CUL9: variants seen among roughly 807,000 people sequenced by gnomAD.
CUL9 encodes the protein cullin 9, also known as cullin-9.
A neutral mutation model predicts 272.6 loss-of-function variants in CUL9; 79 were observed. The ratio of observed to expected loss-of-function variants is 0.29; its 90% CI spans 0.24 to 0.35. CUL9 has a LOEUF of 0.35. Among genes scored for constraint, CUL9 ranks in the 10% least tolerant of loss-of-function variants. The pLI is 1.00. For missense variants in CUL9, 2,532 were observed against 3,255.6 expected (o/e 0.78, Z 5.41); for synonymous variants, 1,186 against 1,286.5 (o/e 0.92, Z 1.67).
At chr6:43,196,923 T>G (rs1405824103) in intron 11 of CUL9, 61 bp downstream of exon 11, 1 of 1,359,466 alleles carries the variant, frequency 7.4e-7, no homozygotes, top group Non-Finnish European at 1.0e-6. Flanking sequence ...GGTTTACATA[T>G]CAGCTCCTTA....
In CUL9 at chr6:43,224,476, C is replaced by A; in HGVS notation, c.*31C>A. The A allele has an allele frequency of 6.3e-7, 1 of 1,593,358 alleles. No individual in the cohort carries two copies. The highest frequency in any genetic ancestry group is 8.6e-7 in the Non-Finnish European group (1 of 1,167,852). On this transcript the variant is annotated 3_prime_UTR_variant, in exon 41 of 41. Transcript: ENST00000252050. This position sits in a 1 kb window ranked among gnomAD's most constrained non-coding sequence, Gnocchi z 4.2. ...CAGATGCAGGAAACACCTAGAGCAGCCCCAGAGTCACGGGGCTGAGGGGGC... is the reference window on the plus strand; with the variant it reads ...CAGATGCAGGAAACACCTAGAGCAGACCCAGAGTCACGGGGCTGAGGGGGC...
intron 9 of CUL9, 152 bp from the exon 10 acceptor site, chr6:43,195,917 A>T: frequency 3.6e-6 from 2 of 550,092 alleles, no homozygotes; most frequent in South Asian, 2.9e-5. Context: ...GTAGTATTTG[A>T]TGTCCCATCA....
chr6:43,211,108 C>A (rs576307281), intron 26 of CUL9, among the ~76,000 whole-genome samples: 1 of 152,332 alleles, frequency 6.6e-6, no homozygotes, highest in Admixed American at 6.5e-5. Flanking sequence ...TTAGTTATTA[C>A]TGTTGTTCCA....
At chr6:43,222,703 G>A (rs1019020893) in intron 37 of CUL9, 62 bp downstream of exon 37, 3 of 1,604,904 alleles carry the variant, frequency 1.9e-6, no homozygotes, top group Non-Finnish European at 2.6e-6. Flanking sequence ...GGGGGGCTTG[G>A]CTGCTTTCAT....
At position 43,213,101 on chromosome 6, in the gene CUL9, T is replaced by A. The variant is rs756056113; in HGVS notation, c.5213-48T>A. The A allele has an allele frequency of 1.3e-6, 2 of 1,599,906 alleles. No individual in the cohort carries two copies. The highest frequency in any genetic ancestry group is 1.7e-6 in the Non-Finnish European group (2 of 1,170,976). ...TTGACACCTCAACCCCTAAACCCCT[T>A]GTTTCGCCCATTCTGTGTCTCCACC... is the stretch of plus-strand genomic sequence containing the variant. On this transcript the variant is annotated intron_variant, in intron 26 of 40. Transcript: ENST00000252050. The surrounding 1 kb of genome is among the most constrained non-coding windows in gnomAD (Gnocchi z 5.7).
In CUL9 at chr6:43,186,323, T is replaced by C; in HGVS notation, c.1119T>C (p.Ser373=). ...AGCGCTCTGAATTCTCCAGCCGTAG[T>C]GGCTATGGAGAATATGTGCAGCAGA... The part of the protein sequence containing the change: ...FRQRSEFSSR[S]GYGEYVQQTL... Residue 373 remains serine (S), a synonymous_variant, in exon 4 of 41, where the codon AGT becomes AGC. Transcript: ENST00000252050. 4.3e-6 allele frequency: 7 copies of C among 1,614,226 alleles called. No individual in the cohort carries two copies. Among genetic ancestry groups the C allele is most frequent in the Non-Finnish European group, 5.9e-6 (7 of 1,180,038 alleles).
Position 43,188,084 on chromosome 6 carries a change from G to T in CUL9, c.1953G>T (p.Met651Ile). Residue 651 changes from methionine to isoleucine, a missense_variant, in exon 7 of 41, where the codon ATG becomes ATT. By Grantham distance (10) the Met-to-Ile change is conservative. This residue lies in a region of CUL9 where 2,218 missense variants were observed against 2,788.6 expected (regional missense o/e 0.80). Coordinates refer to ENST00000252050, the MANE Select transcript of CUL9 (RefSeq NM_015089.4). The stretch of plus-strand genomic sequence containing the variant: ...ACCAGCTTCTGGTGACTGAGGGGAT[G>T]ACCCTGCCCACTGAGATGAAGGAGG... ...LFNQLLVTEG[M>I]TLPTEMKEAA... is the part of the protein sequence containing the mutation. 6.2e-7 allele frequency: 1 copy of T among 1,613,894 alleles called. No homozygotes were observed. The highest frequency in any genetic ancestry group is 8.5e-7 in the Non-Finnish European group (1 of 1,180,020).
chr6:43,203,633 G>T lies in CUL9; in HGVS notation c.4025+41G>T. ...GGAGGGAAGATGGGTAAGGGAACAG[G>T]ACACTGTGAGAAGTAGGAGGGATGC... On this transcript the variant is annotated intron_variant, in intron 19 of 40. Coordinates refer to ENST00000252050, the MANE Select transcript of CUL9 (RefSeq NM_015089.4). The surrounding 1 kb of genome is among the most constrained non-coding windows in gnomAD (Gnocchi z 5.0). 1 of 1,592,654 alleles carries T rather than the reference G, an allele frequency of 6.3e-7. No homozygotes were observed.
At chr6:43,214,372 CT>C (rs1775764422) in intron 29 of CUL9, among the ~76,000 whole-genome samples, 2 of 152,258 alleles carry the variant, frequency 1.3e-5, no homozygotes, top group South Asian at 4.1e-4. Context: ...TGAGCCAAGA[CT>C]GCCACTGTAC....
intron 11 of CUL9, among the ~76,000 whole-genome samples, chr6:43,197,126 A>C (rs1270122590): frequency 6.6e-6 from 1 of 151,820 alleles, no homozygotes; most frequent in Non-Finnish European, 1.5e-5. Flanking sequence ...GACTCACTGT[A>C]ACCTCTGCTT....
intron 20 of CUL9, 137 bp downstream of exon 20, chr6:43,204,124 T>A (rs1302011526): frequency 4.9e-6 from 6 of 1,214,720 alleles, no homozygotes; most frequent in Non-Finnish European, 6.8e-6. Flanking sequence ...CCTCTCTCCT[T>A]CCTGCCCCAG....
rs757140976 is a variant in CUL9, at chr6:43,206,424, C to G, written c.5126C>G (p.Pro1709Arg). 2.5e-6 allele frequency: 4 copies of G among 1,614,102 alleles called. No homozygotes were observed. The highest frequency in any genetic ancestry group is 3.4e-6 in the Non-Finnish European group (4 of 1,180,050). The change falls in exon 26 of 41, where the codon CCA (proline) becomes CGA (arginine). Residue 1709 changes from proline to arginine, a missense_variant. Physicochemically the swap from Pro to Arg is moderately radical, Grantham distance 103. Around this residue, in one of 3 missense-constraint regions of CUL9, gnomAD observed 2,218 missense variants for 2,788.6 expected, o/e 0.80. Transcript: ENST00000252050. The surrounding 1 kb of genome is among the most constrained non-coding windows in gnomAD (Gnocchi z 4.8). Reference sequence around the variant, plus strand: ...TCACCACGCTGCTGGCCCGTCTCCCCACTCTGCTACCTGTACCATCCCAGA... The same window carrying G: ...TCACCACGCTGCTGGCCCGTCTCCCGACTCTGCTACCTGTACCATCCCAGA... ...VLSPRCWPVS[P>R]LCYLYHPRKC...
At chr6:43,191,495 T>TTTTTTTTC (rs1356223144) in intron 8 of CUL9, among the ~76,000 whole-genome samples, 2 of 147,726 alleles carry the variant, frequency 1.4e-5, no homozygotes, top group African/African-American at 5.1e-5. Context: ...TTTTTTTTTT[T>TTTTTTTTC]TTTTTTTTTT....
In CUL9 at chr6:43,224,528, G is replaced by C. The variant is rs1441172209; in HGVS notation, c.*83G>C. The stretch of plus-strand genomic sequence containing the variant: ...GGAGCTGCCCCTGTCATAGGGAGGG[G>C]GATTCCCAGCGTCTGTAGTGCTTCC... On this transcript the variant is annotated 3_prime_UTR_variant, in exon 41 of 41. Transcript: ENST00000252050. The surrounding 1 kb of genome is among the most constrained non-coding windows in gnomAD (Gnocchi z 4.2). 7 of 1,318,250 alleles carry C rather than the reference G, an allele frequency of 5.3e-6. No homozygotes were observed. In the Admixed American group the frequency reaches 1.7e-4, roughly 31 times the overall value. 81.7% of individuals were successfully genotyped at this position (1,318,250 alleles called of 1,614,324 possible). A position where few individuals can be genotyped will look rare whatever the true frequency, so the allele number is the denominator to read the frequency against.
chr6:43,214,906 G>A (rs1202720714), intron 29 of CUL9, among the ~76,000 whole-genome samples, 173 bp from the exon 30 acceptor site: 5 of 152,122 alleles, frequency 3.3e-5, no homozygotes, highest in Non-Finnish European at 4.4e-5. Context: ...GAGTCCAGGA[G>A]TTTGAGGGTG....
rs891073477 is a variant in CUL9 at position 43,220,710 on chromosome 6, G to A, written c.6424-37G>A. On this transcript the variant is annotated intron_variant, in intron 32 of 40. Coordinates refer to ENST00000252050, the MANE Select transcript of CUL9 (RefSeq NM_015089.4). This position sits in a 1 kb window ranked among gnomAD's most constrained non-coding sequence, Gnocchi z 4.9. ...GCCTGGAGGTGTGGCATCCTGGAGA[G>A]CCATACCCTCACCTCGTGGCACCTG... The A allele has an allele frequency of 6.2e-7, 1 of 1,607,562 alleles. No individual in the cohort carries two copies. The highest frequency in any genetic ancestry group is 8.5e-7 in the Non-Finnish European group (1 of 1,176,852).
At chr6:43,190,603 CCTTA>C (rs1342113179) in intron 8 of CUL9, among the ~76,000 whole-genome samples, 2 of 152,150 alleles carry the variant, frequency 1.3e-5, no homozygotes, top group African/African-American at 4.8e-5. Context: ...TGGTAAACAT[CCTTA>C]CTTATTTCTC....
rs1307946941 is a variant in CUL9, at chr6:43,193,216, C to T, written c.2388+8C>T. The T allele has an allele frequency of 6.8e-6, 11 of 1,612,936 alleles. No homozygotes were observed. Among genetic ancestry groups the T allele is most frequent in the Non-Finnish European group, 9.3e-6 (11 of 1,179,118 alleles). On this transcript the variant is annotated splice_region_variant and intron_variant, in intron 9 of 40. Transcript: ENST00000252050. ...CAGCAGGCTGGGCTGGCGGTGAGTA[C>T]ATTGGGCCTGGCGGGAGAGAACAAT...
rs1444412243 is a variant in CUL9 at position 43,199,508 on chromosome 6, G to A, written c.3156+137G>A. On this transcript the variant is annotated intron_variant, in intron 13 of 40. Coordinates refer to ENST00000252050, the MANE Select transcript of CUL9 (RefSeq NM_015089.4). The surrounding 1 kb of genome is among the most constrained non-coding windows in gnomAD (Gnocchi z 4.4). ...TGGGATGGGTGTAGGAGGAGGAAGG[G>A]TAATGTAATCTAAGAATCTCCAGAA... 1.2e-5 allele frequency: 8 copies of A among 650,008 alleles called. No homozygotes were observed. Among genetic ancestry groups the A allele is most frequent in the Non-Finnish European group, 1.9e-5 (7 of 366,502 alleles). The allele number at this position is 650,008 out of a possible 1,614,324, so 40.3% of individuals were successfully genotyped here. A position where few individuals can be genotyped will look rare whatever the true frequency, so the allele number is the denominator to read the frequency against.
Sources: allele counts gnomAD v4.1 joint callset (sites outside exome capture counted in the v4.1 genomes callset), GRCh38; gene constraint gnomAD v4.1.1; regional missense constraint gnomAD v4.1.1; non-coding constraint Gnocchi (gnomAD v3.1); transcripts MANE v1.5; gene names NCBI Gene and HGNC (gene_info 2026-07-23, HGNC 2026-07-21).